ADCY2: variants seen among roughly 807,000 people sequenced by gnomAD.
The protein encoded by ADCY2 is adenylate cyclase 2.
In ADCY2, 31 loss-of-function variants were observed where a neutral mutation model predicts 125.2. That is an observed-to-expected ratio of 0.25 (90% CI 0.19 to 0.33). The LOEUF is 0.33. Among genes scored for constraint, ADCY2 ranks in the 10% least tolerant of loss-of-function variants. The pLI is 1.00. For missense variants in ADCY2, 904 were observed against 1,418.2 expected (o/e 0.64, Z 5.82); for synonymous variants, 512 against 548.4 (o/e 0.93, Z 0.93).
intron 1 of ADCY2, among the ~76,000 whole-genome samples, chr5:7,409,235 G>C (rs1308362029): frequency 6.6e-6 from 1 of 152,136 alleles, no homozygotes; most frequent in Non-Finnish European, 1.5e-5. Flanking sequence ...ATCTGAGGAG[G>C]GTGGAGGGTG....
At chr5:7,495,365 A>T (rs1743308833) in intron 2 of ADCY2, among the ~76,000 whole-genome samples, 1 of 152,178 alleles carries the variant, frequency 6.6e-6, no homozygotes, top group Non-Finnish European at 1.5e-5. Context: ...TTTTGTTTGG[A>T]AGACTCTAGT....
intron 2 of ADCY2, among the ~76,000 whole-genome samples, chr5:7,497,489 C>T (rs993631997): frequency 6.6e-6 from 1 of 152,068 alleles, no homozygotes; most frequent in African/African-American, 2.4e-5. Context: ...ATTCTAGTGT[C>T]AGTAATATCT....
At chr5:7,420,815 G>C (rs1301262136) in intron 2 of ADCY2, among the ~76,000 whole-genome samples, 1 of 152,154 alleles carries the variant, frequency 6.6e-6, no homozygotes. Flanking sequence ...CCTTTCATTT[G>C]TGCTTCCAAT....
At chr5:7,743,598 A>G in intron 14 of ADCY2, 70 bp from the exon 15 acceptor site, 1 of 1,421,974 alleles carries the variant, frequency 7.0e-7, no homozygotes, top group East Asian at 2.3e-5. Flanking sequence ...ACCCAAAAGT[A>G]TTACTGGTAG....
rs1212656110 is a variant in ADCY2, at chr5:7,766,693, C to A, written c.2101C>A (p.Leu701Met). The change falls in exon 17 of 25, where the codon CTG becomes ATG. Residue 701 changes from leucine to methionine, a missense_variant. Leu to Met is a conservative substitution (Grantham distance 15). This residue lies in a region of ADCY2 where 221 missense variants were observed against 246.2 expected (regional missense o/e 0.90). Transcript: ENST00000338316. ...LMMAVFNMFF[L>M]SDSEETIPPT... ...AAAAACCTTCTCTTTGCAGTTTTTC[C>A]TGAGTGACTCAGAGGAAACAATCCC... is the stretch of plus-strand genomic sequence containing the variant. 2 of 1,608,680 alleles carry A rather than the reference C, an allele frequency of 1.2e-6. No individual in the cohort carries two copies. Among genetic ancestry groups the A allele is most frequent in the African/African-American group, 2.7e-5 (2 of 74,556 alleles).
intron 2 of ADCY2, among the ~76,000 whole-genome samples, chr5:7,474,066 T>G (rs2126461075): frequency 6.6e-6 from 1 of 152,336 alleles, no homozygotes; most frequent in East Asian, 1.9e-4. Context: ...CTCTGTGACC[T>G]CAGCTCTCTG....
intron 22 of ADCY2, among the ~76,000 whole-genome samples, chr5:7,806,333 G>A (rs1184115841): frequency 6.6e-6 from 1 of 151,838 alleles, no homozygotes; most frequent in Non-Finnish European, 1.5e-5. Context: ...ATAACATTAA[G>A]ACATGTATAG....
At chr5:7,642,372 T>C (rs1738742410) in intron 4 of ADCY2, among the ~76,000 whole-genome samples, 1 of 152,182 alleles carries the variant, frequency 6.6e-6, no homozygotes, top group Non-Finnish European at 1.5e-5. Context: ...ATGGGATTAT[T>C]TGTTTTTTGT....
intron 4 of ADCY2, among the ~76,000 whole-genome samples, chr5:7,674,165 TGTG>T (rs1469336478): frequency 6.6e-6 from 1 of 152,102 alleles, no homozygotes; most frequent in Non-Finnish European, 1.5e-5. Flanking sequence ...TCCTTGCACT[TGTG>T]GTGGTGGTCG....
intron 2 of ADCY2, among the ~76,000 whole-genome samples, chr5:7,490,940 T>A (rs1743140305): frequency 6.6e-6 from 1 of 152,296 alleles, no homozygotes; most frequent in African/African-American, 2.4e-5. Context: ...AAATGAAATA[T>A]ACGTAATTGA....
In ADCY2 at chr5:7,805,347, G is replaced by A. The variant is rs935810787; in HGVS notation, c.2883+655G>A. On this transcript the variant is annotated intron_variant, in intron 22 of 24. Coordinates refer to ENST00000338316, the MANE Select transcript of ADCY2 (RefSeq NM_020546.3). ...AAAATGAATTAAAATAAAATAATGT[G>A]GTCAAAAAACAAGTTGGCCACATGG... Among the ~76,000 whole-genome samples, 13 of 151,992 alleles carry A rather than the reference G, an allele frequency of 8.6e-5. No homozygotes were observed. The East Asian group carries it at 2.3e-3, about 27-fold the overall frequency.
chr5:7,405,745 G>A (rs1029444337), intron 1 of ADCY2, among the ~76,000 whole-genome samples: 6 of 152,318 alleles, frequency 3.9e-5, no homozygotes, highest in Admixed American at 3.3e-4. Flanking sequence ...GGGGATTATT[G>A]GAGCCAATTT....
rs1579408569 is a variant in ADCY2, at chr5:7,764,832, TTGAC to T, written c.2095-1852_2095-1849del. Among the ~76,000 whole-genome samples the T allele has an allele frequency of 2.6e-5, 4 of 152,300 alleles. No homozygotes were observed. The East Asian group carries it at 5.8e-4, about 22-fold the overall frequency. ...AGGGATTAGTAACTCTCTTGAGTAT[TTGAC>T]TGGCTACAATTAGGGAATGACATGA... On this transcript the variant is annotated intron_variant, in intron 16 of 24. Transcript: ENST00000338316.
At chr5:7,453,116 T>C (rs1741534993) in intron 2 of ADCY2, among the ~76,000 whole-genome samples, 1 of 152,186 alleles carries the variant, frequency 6.6e-6, no homozygotes, top group Non-Finnish European at 1.5e-5. Flanking sequence ...AGCTCCCATT[T>C]ATTTATTTTT....
intron 4 of ADCY2, among the ~76,000 whole-genome samples, chr5:7,641,037 C>A (rs748759279): frequency 2.6e-5 from 4 of 152,198 alleles, no homozygotes; most frequent in South Asian, 2.1e-4. Context: ...AAAAGCTGAT[C>A]TTACCCTATC....
At chr5:7,674,059 G>C (rs1309503178) in intron 4 of ADCY2, among the ~76,000 whole-genome samples, 3 of 106,714 alleles carry the variant, frequency 2.8e-5, no homozygotes, top group African/African-American at 1.1e-4. Flanking sequence ...AGGGGCCTCA[G>C]AGGGTAGGGT....
At chr5:7,724,688 T>C (rs562215895) in intron 13 of ADCY2, 74 bp downstream of exon 13, 3 of 1,138,696 alleles carry the variant, frequency 2.6e-6, no homozygotes, top group South Asian at 2.7e-5. Context: ...ATTGTGCTCA[T>C]GTTTTTTATA....
chr5:7,621,810 C>T (rs1001948390), intron 3 of ADCY2, among the ~76,000 whole-genome samples: 9 of 152,234 alleles, frequency 5.9e-5, no homozygotes, highest in Admixed American at 6.5e-5. Flanking sequence ...AATCACCCCA[C>T]GTTTACATCA....
At chr5:7,773,213 T>C (rs1743611371) in intron 18 of ADCY2, 112 bp downstream of exon 18, 1 of 1,181,376 alleles carries the variant, frequency 8.5e-7, no homozygotes, top group Non-Finnish European at 1.2e-6. Context: ...TGATAAATCA[T>C]TCTGAGAGAA....
Sources: gnomAD v4.1 joint callset for allele counts (sites outside exome capture counted in the v4.1 genomes callset) on GRCh38, gnomAD v4.1.1 for gene constraint, gnomAD v4.1.1 regional missense constraint, MANE v1.5 for transcripts, NCBI Gene and HGNC (gene_info 2026-07-23, HGNC 2026-07-21) for gene names.